Variants in CIITA observed in about 807,000 individuals in gnomAD.
The protein encoded by CIITA is MHC class II transactivator.
Under a neutral mutation model 115.1 loss-of-function variants are expected in CIITA, and 72 were observed. The observed-to-expected ratio is 0.63, with a 90% CI of 0.52 to 0.76. The LOEUF (loss-of-function observed/expected upper bound fraction) is 0.76, where lower values mean the gene tolerates loss of function less well. Ranked by LOEUF, CIITA falls within the 30% of genes least tolerant of loss-of-function variation. The pLI is 0.00. For synonymous variants in CIITA, 763 were observed against 635.6 expected, an observed-to-expected ratio of 1.20 and a Z score of -3.02; for missense variants, 1,617 against 1,463.8, an observed-to-expected ratio of 1.10 and a Z score of -1.71.
chr16:10,892,046 G>A (rs2037642634), intron 1 of CIITA, among the ~76,000 whole-genome samples: 2 of 152,192 alleles, frequency 1.3e-5, no homozygotes, highest in Non-Finnish European at 2.9e-5. Context: ...TCTCTGGGCC[G>A]GGTGTGGTGG....
chr16:10,916,243 T>C, intron 14 of CIITA, 124 bp from the exon 15 acceptor site: 3 of 837,500 alleles, frequency 3.6e-6, no homozygotes, highest in Admixed American at 4.0e-5. Flanking sequence ...CGGCTGCCTA[T>C]GGTGTATTAG....
At chr16:10,869,990 T>C (rs1304362819) in intron 1 of CIITA, among the ~76,000 whole-genome samples, 1 of 151,600 alleles carries the variant, frequency 6.6e-6, no homozygotes, top group Non-Finnish European at 1.5e-5. Context: ...GAATGTTCAG[T>C]GGATGGATGC....
At chr16:10,916,587 C>A in intron 15 of CIITA, 128 bp downstream of exon 15, 1 of 799,832 alleles carries the variant, frequency 1.3e-6, no homozygotes, top group Non-Finnish European at 2.1e-6. Flanking sequence ...GAATATAGTG[C>A]TATGATCATA....
At chr16:10,916,982 A>T (rs2145012636) in intron 15 of CIITA, 1 of 253,140 alleles carries the variant, frequency 4.0e-6, no homozygotes, top group Non-Finnish European at 7.8e-6. Flanking sequence ...ATGAACAAGT[A>T]AACAAGTCGG....
chr16:10,878,409 C>G (rs1180379818), intron 1 of CIITA, among the ~76,000 whole-genome samples: 2 of 152,112 alleles, frequency 1.3e-5, no homozygotes, highest in Admixed American at 1.3e-4. Flanking sequence ...CTTGGAGGAC[C>G]CAGCAGGAAT....
rs1178249139 is a variant in CIITA, at chr16:10,903,725, A to G, written c.773-6A>G. 6.2e-7 allele frequency: 1 copy of G among 1,614,004 alleles called. No individual in the cohort carries two copies. Among genetic ancestry groups the G allele is most frequent in the Non-Finnish European group, 8.5e-7 (1 of 1,179,960 alleles). On this transcript the variant is annotated splice_region_variant and splice_polypyrimidine_tract_variant and intron_variant, in intron 8 of 19. Transcript: ENST00000324288. ...ATTCTCACACCACTCTCCACCCCCA[A>G]TGTAGGTGAGGTGCCCCAGGCCAGC... is the stretch of plus-strand genomic sequence containing the variant.
chr16:10,900,607 GCGAA>G (rs1256674856), intron 5 of CIITA, among the ~76,000 whole-genome samples: 2 of 152,072 alleles, frequency 1.3e-5, no homozygotes, highest in East Asian at 3.9e-4. Context: ...AGGCGTGGTG[GCGAA>G]CACCTGTAAT....
At chr16:10,888,694 G>A (rs1481278463) in intron 1 of CIITA, 1 of 152,260 alleles carries the variant, frequency 6.6e-6, no homozygotes, top group African/African-American at 2.4e-5. Flanking sequence ...GGGAAGCACA[G>A]TTTCAAAGAG....
At chr16:10,874,138 C>A (rs919815932), upstream of CIITA, among the ~76,000 whole-genome samples, 1 of 152,100 alleles carries the variant, frequency 6.6e-6, no homozygotes, top group African/African-American at 2.4e-5. Flanking sequence ...CGTGCACCAC[C>A]ACACCTGGAT....
chr16:10,880,270 C>G (rs1220377979), intron 1 of CIITA, among the ~76,000 whole-genome samples: 4 of 152,198 alleles, frequency 2.6e-5, no homozygotes, highest in African/African-American at 9.6e-5. Flanking sequence ...GATGTAGGTT[C>G]CCGGGCTCAC....
intron 1 of CIITA, among the ~76,000 whole-genome samples, chr16:10,893,746 T>C (rs1244354839): frequency 7.6e-6 from 1 of 131,912 alleles, no homozygotes; most frequent in East Asian, 2.3e-4. Flanking sequence ...GAGGCAGACG[T>C]TGCAGTGAGC....
chr16:10,901,441 G>T lies in CIITA; in HGVS notation c.437-73G>T, dbSNP rs2038742327. On this transcript the variant is annotated intron_variant, in intron 5 of 19. Coordinates refer to ENST00000324288, the MANE Select transcript of CIITA (RefSeq NM_000246.4). This position sits in a 1 kb window ranked among gnomAD's most constrained non-coding sequence, Gnocchi z 6.8. Reference sequence around the variant, plus strand: ...CCTTGAAGTTAAGGCCGTATAGCCTGCTAGAGTCCTGAGCCCCTTCTGGCT... The same window carrying T: ...CCTTGAAGTTAAGGCCGTATAGCCTTCTAGAGTCCTGAGCCCCTTCTGGCT... 2.0e-6 allele frequency: 3 copies of T among 1,535,660 alleles called. No homozygotes were observed. The highest frequency in any genetic ancestry group is 2.7e-6 in the Non-Finnish European group (3 of 1,109,962).
intron 1 of CIITA, among the ~76,000 whole-genome samples, chr16:10,885,527 G>A (rs2036855757): frequency 6.6e-6 from 1 of 152,168 alleles, no homozygotes; most frequent in Non-Finnish European, 1.5e-5. Flanking sequence ...TGAAAGTCTT[G>A]AGTGAGACCA....
At chr16:10,941,186 G>A (rs1167866697), downstream of CIITA, 1 of 155,044 alleles carries the variant, frequency 6.4e-6, no homozygotes, top group Non-Finnish European at 1.4e-5. This position sits in a 1 kb window ranked among gnomAD's most constrained non-coding sequence, Gnocchi z 6.4. Flanking sequence ...ATCCTTCTAG[G>A]ACAAGCGAGA....
intron 1 of CIITA, among the ~76,000 whole-genome samples, chr16:10,891,605 G>A (rs1208157557): frequency 6.6e-6 from 1 of 152,182 alleles, no homozygotes; most frequent in Non-Finnish European, 1.5e-5. Context: ...CAAAGAGGAG[G>A]CAGATTGCTG....
chr16:10,907,750 G>C lies in CIITA; in HGVS notation c.2258G>C (p.Gly753Ala). The C allele has an allele frequency of 1.9e-6, 3 of 1,614,264 alleles. No individual in the cohort carries two copies. Among genetic ancestry groups the C allele is most frequent in the Non-Finnish European group, 2.5e-6 (3 of 1,180,046 alleles). ...AGGCCCTATGACAACTGGCTGGAGG[G>C]CGTGCCACGCTTTCTGGCTGGGCTG... ...KKRPYDNWLE[G>A]VPRFLAGLIF... The change falls in exon 11 of 20, where the codon GGC (glycine) becomes GCC (alanine). Residue 753 changes from glycine to alanine, a missense_variant. By Grantham distance (60) the Gly-to-Ala change is moderately conservative. Transcript: ENST00000324288. This position sits in a 1 kb window ranked among gnomAD's most constrained non-coding sequence, Gnocchi z 5.0.
intron 1 of CIITA, among the ~76,000 whole-genome samples, chr16:10,885,907 G>T (rs542269365): frequency 6.6e-6 from 1 of 152,190 alleles, no homozygotes; most frequent in South Asian, 2.1e-4. Flanking sequence ...TAACTGCCCA[G>T]TGCAGCCCAG....
At chr16:10,908,378 C>T (rs1950479814) in intron 11 of CIITA, 1 of 673,734 alleles carries the variant, frequency 1.5e-6, no homozygotes, top group Admixed American at 2.1e-5. Flanking sequence ...TATTTGAAGG[C>T]CCGCCATGTG....
Position 10,906,694 on chromosome 16 carries a change from T to A in CIITA, c.1202T>A (p.Leu401Gln). 1 of 1,612,934 alleles carries A rather than the reference T, an allele frequency of 6.2e-7. No homozygotes were observed. Among genetic ancestry groups the A allele is most frequent in the Non-Finnish European group, 8.5e-7 (1 of 1,179,980 alleles). The change falls in exon 11 of 20, where the codon CTG (leucine) becomes CAG (glutamine). Residue 401 changes from leucine to glutamine, a missense_variant. Transcript: ENST00000324288. ...QLAQGGLAEVLLAAKEHRRPR... is the reference protein window; with the variant it reads ...QLAQGGLAEVQLAAKEHRRPR... ...GCCCAAGGAGGCCTGGCTGAGGTGCTGTTGGCTGCCAAGGAGCACCGGCGG... is the reference window on the plus strand; with the variant it reads ...GCCCAAGGAGGCCTGGCTGAGGTGCAGTTGGCTGCCAAGGAGCACCGGCGG...
Sources: allele counts gnomAD v4.1 joint callset (sites outside exome capture counted in the v4.1 genomes callset), GRCh38; gene constraint gnomAD v4.1.1; non-coding constraint Gnocchi (gnomAD v3.1); transcripts MANE v1.5; gene names NCBI Gene and HGNC (gene_info 2026-07-23, HGNC 2026-07-21).